Variants in FSTL4 observed in about 807,000 individuals in gnomAD.
The protein encoded by FSTL4 is follistatin-related protein 4.
Under a neutral mutation model 78.2 loss-of-function variants are expected in FSTL4, and 28 were observed. The observed-to-expected ratio is 0.36, with a 90% CI of 0.27 to 0.49. The LOEUF (loss-of-function observed/expected upper bound fraction) is 0.49. Among genes scored for constraint, FSTL4 ranks in the 20% least tolerant of loss-of-function variants. The pLI, the probability that FSTL4 is intolerant of heterozygous loss-of-function variation, is 0.98. For missense variants in FSTL4, 922 were observed against 1,084.9 expected (o/e 0.85, Z 2.11); for synonymous variants, 422 against 440.5 (o/e 0.96, Z 0.53).
At chr5:133,627,736 G>A in the FSTL4 span, among the ~76,000 whole-genome samples, 5,589 of 152,054 alleles carry the variant, frequency 0.037, 170 homozygotes, top group Admixed American at 0.11. Flanking sequence ...ACGTTTAATT[G>A]ACATGTCAAT....
intron 2 of FSTL4, among the ~76,000 whole-genome samples, chr5:133,575,928 C>A (rs539358657): frequency 6.6e-6 from 1 of 152,250 alleles, no homozygotes; most frequent in African/African-American, 2.4e-5. Context: ...GTTTGACAGC[C>A]AAATCATTTA....
At chr5:133,425,831 G>T (rs974778469) in intron 3 of FSTL4, among the ~76,000 whole-genome samples, 4 of 152,246 alleles carry the variant, frequency 2.6e-5, no homozygotes, top group African/African-American at 7.2e-5. Flanking sequence ...GTGTAGCCGT[G>T]TGGTTTGTCC....
At chr5:133,539,030 G>A (rs1312170921) in intron 3 of FSTL4, among the ~76,000 whole-genome samples, 3 of 152,050 alleles carry the variant, frequency 2.0e-5, no homozygotes, top group Non-Finnish European at 4.4e-5. Context: ...GTGGTTCGGG[G>A]ATCCACCGTG....
chr5:133,484,683 C>A (rs1188471372), intron 3 of FSTL4, among the ~76,000 whole-genome samples: 1 of 152,190 alleles, frequency 6.6e-6, no homozygotes, highest in African/African-American at 2.4e-5. Context: ...TGGTCTCTAT[C>A]GTCTCTTAAG....
chr5:133,283,240 G>A lies in FSTL4; in HGVS notation c.727+29414C>T, dbSNP rs576543132. The stretch of plus-strand genomic sequence containing the variant: ...GGTCCTCTGGGCCTTTAAGCCTAGC[G>A]TGTGTGTGTGTGTGTGTGTGTGTCT... On this transcript the variant is annotated intron_variant, in intron 6 of 15. Transcript: ENST00000265342. 6.9e-5 allele frequency among the ~76,000 whole-genome samples: 8 copies of A among 115,620 alleles called. No homozygotes were observed. The South Asian group carries it at 8.8e-4, about 13-fold the overall frequency. The allele number at this position is 115,620 out of a possible 152,430, so 75.9% of individuals were successfully genotyped here. A position where few individuals can be genotyped will look rare whatever the true frequency, so the allele number is the denominator to read the frequency against.
At chr5:133,804,804 C>T in the FSTL4 span, among the ~76,000 whole-genome samples, 2 of 151,948 alleles carry the variant, frequency 1.3e-5, no homozygotes, top group African/African-American at 2.4e-5. Context: ...ATTAGCCGGG[C>T]ATTGTGGCGG....
At chr5:133,796,356 G>A in the FSTL4 span, among the ~76,000 whole-genome samples, 1 of 152,164 alleles carries the variant, frequency 6.6e-6, no homozygotes, top group Non-Finnish European at 1.5e-5. Flanking sequence ...AGCTCAGTGG[G>A]CCCTCTGCCT....
At chr5:133,630,207 G>A in the FSTL4 span, among the ~76,000 whole-genome samples, 1 of 152,270 alleles carries the variant, frequency 6.6e-6, no homozygotes, top group African/African-American at 2.4e-5. Flanking sequence ...AAGTCAAGTT[G>A]TCTCTGTTTG....
intron 6 of FSTL4, chr5:133,256,372 C>T (rs1239668973): frequency 5.9e-5 from 9 of 152,214 alleles, no homozygotes; most frequent in Admixed American, 5.9e-4. Flanking sequence ...TCCCTGTGAC[C>T]AGAGTCACAC....
chr5:133,783,956 C>T, the FSTL4 span, among the ~76,000 whole-genome samples: 26 of 151,864 alleles, frequency 1.7e-4, no homozygotes, highest in Admixed American at 7.9e-4. Flanking sequence ...CATAGGCCTC[C>T]TTTATCTCTC....
At position 133,276,672 on chromosome 5, in the gene FSTL4, C is replaced by T. The variant is rs182216312; in HGVS notation, c.728-27096G>A. Among the ~76,000 whole-genome samples, 444 of 152,314 alleles carry T rather than the reference C, an allele frequency of 2.9e-3. 1 individual carries two copies. The highest frequency in any genetic ancestry group is 6.0e-3 in the Admixed American group (92 of 15,302). The stretch of plus-strand genomic sequence containing the variant: ...CAGGAGCATGTTTAAAACCAGGCAT[C>T]AATATCTTGTTACTCTGTGCATATT... On this transcript the variant is annotated intron_variant, in intron 6 of 15. Coordinates refer to ENST00000265342, the MANE Select transcript of FSTL4 (RefSeq NM_015082.2).
In FSTL4 at chr5:133,282,693, C is replaced by T. The variant is rs931487683; in HGVS notation, c.727+29961G>A. On this transcript the variant is annotated intron_variant, in intron 6 of 15. Transcript: ENST00000265342. Reference sequence around the variant, plus strand: ...CCCTGAACAGAGACCTGAGTTGCTTCACCAGTGAGTGAAGCCTGCTGACTC... The same window carrying T: ...CCCTGAACAGAGACCTGAGTTGCTTTACCAGTGAGTGAAGCCTGCTGACTC... Among the ~76,000 whole-genome samples the T allele has an allele frequency of 3.3e-5, 5 of 152,126 alleles. No individual in the cohort carries two copies. In the East Asian group the frequency reaches 9.7e-4, roughly 29 times the overall value.
At chr5:133,825,910 G>T in the FSTL4 span, among the ~76,000 whole-genome samples, 1 of 152,190 alleles carries the variant, frequency 6.6e-6, no homozygotes, top group African/African-American at 2.4e-5. Context: ...TCCACCTCAA[G>T]GCACTCAGAA....
At chr5:133,372,547 C>T (rs1755336076) in intron 4 of FSTL4, among the ~76,000 whole-genome samples, 1 of 152,164 alleles carries the variant, frequency 6.6e-6, no homozygotes, top group Admixed American at 6.5e-5. Flanking sequence ...TGCAAAGGAT[C>T]TTTTAAAGGT....
the FSTL4 span, among the ~76,000 whole-genome samples, chr5:133,641,248 A>C: frequency 7.9e-5 from 12 of 151,862 alleles, no homozygotes; most frequent in Admixed American, 2.6e-4. Context: ...AACAAAACAA[A>C]ACAAAACACA....
the FSTL4 span, among the ~76,000 whole-genome samples, chr5:133,748,205 AG>A: frequency 1.4e-5 from 2 of 138,938 alleles, no homozygotes; most frequent in East Asian, 2.2e-4. Flanking sequence ...AAAAAGAAGA[AG>A]AAAAAAAAAA....
chr5:133,218,106 A>G (rs974862321), intron 12 of FSTL4, among the ~76,000 whole-genome samples: 2 of 151,862 alleles, frequency 1.3e-5, no homozygotes, highest in Admixed American at 1.3e-4. Context: ...TTCAAAATCA[A>G]CTCTTGATTT....
intron 6 of FSTL4, among the ~76,000 whole-genome samples, chr5:133,251,236 C>T (rs1426037805): frequency 6.6e-6 from 1 of 152,138 alleles, no homozygotes; most frequent in Non-Finnish European, 1.5e-5. Context: ...GTTTAGCTCC[C>T]ACCGTACTCT....
chr5:133,821,282 T>C, the FSTL4 span, among the ~76,000 whole-genome samples: 1 of 152,334 alleles, frequency 6.6e-6, no homozygotes, highest in South Asian at 2.1e-4. Flanking sequence ...ATCTGGTTCT[T>C]GATCAGCCTG....
Sources: allele counts gnomAD v4.1 joint callset (sites outside exome capture counted in the v4.1 genomes callset), GRCh38; gene constraint gnomAD v4.1.1; transcripts MANE v1.5; gene names NCBI Gene and HGNC (gene_info 2026-07-23, HGNC 2026-07-21).